SLC23A3: variants seen among roughly 807,000 people sequenced by gnomAD.
The protein encoded by SLC23A3 is E2-binding protein 3.
In SLC23A3, 41 loss-of-function variants were observed where a neutral mutation model predicts 64.7. The observed-to-expected ratio is 0.63, with a 90% CI of 0.49 to 0.82. SLC23A3 has a LOEUF of 0.82. Ranked by LOEUF, SLC23A3 falls within the 40% of genes least tolerant of loss-of-function variation. The probability of loss-of-function intolerance (pLI) is 0.00; values close to 1 mark genes in which losing one functional copy is unlikely to be tolerated. For synonymous variants in SLC23A3, 281 were observed against 306.8 expected, an observed-to-expected ratio of 0.92 and a Z score of 0.88; for missense variants, 647 against 733.4, an observed-to-expected ratio of 0.88 and a Z score of 1.36.
In SLC23A3 at chr2:219,161,916, T is replaced by A; in HGVS notation, c.1826A>T (p.Gln609Leu). The A allele has an allele frequency of 6.5e-7, 1 of 1,549,846 alleles. No individual in the cohort carries two copies. Among genetic ancestry groups the A allele is most frequent in the South Asian group, 1.2e-5 (1 of 82,952 alleles). Residue 609 changes from glutamine to leucine, a missense_variant, in exon 12 of 12, where the codon CAG (glutamine) becomes CTG (leucine). Coordinates refer to ENST00000409878, the MANE Select transcript of SLC23A3 (RefSeq NM_001144889.2). ...PESSREGFRS[Q>L]K Reference sequence around the variant, plus strand: ...CAGAAGTAGGCGTTCTGGTCATTTCTGGGACCTAAACCCTTCTCTGCTAGA... The same window carrying A: ...CAGAAGTAGGCGTTCTGGTCATTTCAGGGACCTAAACCCTTCTCTGCTAGA...
chr2:219,167,132 G>A lies in SLC23A3; in HGVS notation c.913+798C>T, dbSNP rs188548428. Among the ~76,000 whole-genome samples the A allele has an allele frequency of 9.2e-5, 14 of 152,250 alleles. No homozygotes were observed. The East Asian group carries it at 2.1e-3, about 23-fold the overall frequency. On this transcript the variant is annotated intron_variant, in intron 7 of 11. Transcript: ENST00000409878. ...AAATTAGCCAGGCATGGTGGTGCACGCTTGTAATCCCAGCTACTTGTGGGG... is the reference window on the plus strand; with the variant it reads ...AAATTAGCCAGGCATGGTGGTGCACACTTGTAATCCCAGCTACTTGTGGGG...
In SLC23A3 at chr2:219,162,163, G is replaced by A. The variant is rs1423403953; in HGVS notation, c.1579C>T (p.Pro527Ser). 2.5e-6 allele frequency: 4 copies of A among 1,613,022 alleles called. No individual in the cohort carries two copies. The highest frequency in any genetic ancestry group is 3.3e-5 in the Admixed American group (2 of 59,946). The change falls in exon 12 of 12, where the codon CCT (proline) becomes TCT (serine). Residue 527 changes from proline to serine, a missense_variant. By Grantham distance (74) the Pro-to-Ser change is moderately conservative. Coordinates refer to ENST00000409878, the MANE Select transcript of SLC23A3 (RefSeq NM_001144889.2). The stretch of plus-strand genomic sequence containing the variant: ...ATTCGAGCCTCTTGGGCAGTGAAAG[G>A]AGATGGTAGCCCTTGACCTAGGCCT... ...ERGLGQGLPS[P>S]FTAQEARMPQ...
chr2:219,162,543 A>G (rs757753956), intron 10 of SLC23A3, 149 bp from the exon 11 acceptor site: 26 of 645,382 alleles, frequency 4.0e-5, no homozygotes, highest in Admixed American at 1.3e-4. Flanking sequence ...TTGTCTTTCT[A>G]CTCTCCACTT....
In SLC23A3 at chr2:219,169,167, T is replaced by C; in HGVS notation, c.419-65A>G. ...GGAATGGAGACCCATTGCTCTACAG[T>C]CCCACTCCTGGCACAGGTCCAAGCC... On this transcript the variant is annotated intron_variant, in intron 3 of 11. Transcript: ENST00000409878. This position sits in a 1 kb window ranked among gnomAD's most constrained non-coding sequence, Gnocchi z 4.5. The C allele has an allele frequency of 6.2e-7, 1 of 1,603,772 alleles. No individual in the cohort carries two copies.
intron 9 of SLC23A3, 37 bp from the exon 10 acceptor site, chr2:219,163,592 A>C: frequency 1.2e-6 from 2 of 1,604,692 alleles, no homozygotes; most frequent in Non-Finnish European, 1.7e-6. Context: ...GGTCAGGAGG[A>C]GTCAAGGGGG....
rs1168357796 is a variant in SLC23A3 at position 219,163,405 on chromosome 2, G to A, written c.1424C>T (p.Pro475Leu). The change falls in exon 10 of 12, where the codon CCA (proline) becomes CTA (leucine). Residue 475 changes from proline to leucine, a missense_variant. Pro to Leu is a moderately conservative substitution (Grantham distance 98). Transcript: ENST00000409878. ...CCACCTACCTGTGCTGAACAGGACT[G>A]GGGCTTCCCGAAACCATCTTGGCAG... Reference protein sequence around the residue: ...LLLPRWFREAPVLFSTGWSPL... With the variant: ...LLLPRWFREALVLFSTGWSPL... The A allele has an allele frequency of 3.7e-6, 6 of 1,614,204 alleles. No homozygotes were observed. Among genetic ancestry groups the A allele is most frequent in the South Asian group, 1.1e-5 (1 of 91,084 alleles).
In SLC23A3 at chr2:219,168,026, A is replaced by G; in HGVS notation, c.817T>C (p.Cys273Arg). 1 of 1,586,996 alleles carries G rather than the reference A, an allele frequency of 6.3e-7. No homozygotes were observed. The highest frequency in any genetic ancestry group is 8.5e-7 in the Non-Finnish European group (1 of 1,171,080). The change falls in exon 7 of 12, where the codon TGT (cysteine) becomes CGT (arginine). Residue 273 changes from cysteine (C) to arginine (R), a missense_variant. Physicochemically the swap from Cys to Arg is radical, Grantham distance 180. Transcript: ENST00000409878. Reference protein sequence around the residue: ...RLLSVLIPVACVWIVSAFVGF... With the variant: ...RLLSVLIPVARVWIVSAFVGF... ...ACAAAGGCAGAAACAATCCACACACAGGCCACTGGGATCAGCACCTGAGGG... is the reference window on the plus strand; with the variant it reads ...ACAAAGGCAGAAACAATCCACACACGGGCCACTGGGATCAGCACCTGAGGG...
intron 8 of SLC23A3, 27 bp downstream of exon 8, chr2:219,165,142 C>T (rs1316161296): frequency 1.3e-6 from 2 of 1,550,624 alleles, no homozygotes; most frequent in Non-Finnish European, 1.7e-6. Context: ...CTCCATCCTA[C>T]CCCACTCCCA....
In SLC23A3 at chr2:219,163,526, C is replaced by T; in HGVS notation, c.1303G>A (p.Val435Ile). The T allele has an allele frequency of 6.2e-7, 1 of 1,614,168 alleles. No homozygotes were observed. The part of the protein sequence containing the change: ...GGVLGVTQAV[V>I]LSAGFSSFYL... ...AAGCTGGAGAATCCAGCAGACAAAA[C>T]CACAGCCTGGGTCACCCCCAGCACC... The change falls in exon 10 of 12, where the codon GTT (valine) becomes ATT (isoleucine). Residue 435 changes from valine (V) to isoleucine (I), a missense_variant. By Grantham distance (29) the Val-to-Ile change is conservative. Transcript: ENST00000409878.
intron 7 of SLC23A3, among the ~76,000 whole-genome samples, 162 bp downstream of exon 7, chr2:219,167,768 T>G (rs1020013328): frequency 3.9e-5 from 6 of 151,906 alleles, no homozygotes; most frequent in African/African-American, 1.5e-4. Flanking sequence ...ACACCTACAG[T>G]GAGGGGCTAG....
chr2:219,164,215 G>A lies in SLC23A3; in HGVS notation c.1273+18C>T, dbSNP rs776440805. 1 of 1,563,108 alleles carries A rather than the reference G, an allele frequency of 6.4e-7. No individual in the cohort carries two copies. Among genetic ancestry groups the A allele is most frequent in the Non-Finnish European group, 8.8e-7 (1 of 1,140,710 alleles). On this transcript the variant is annotated intron_variant, in intron 9 of 11. Transcript: ENST00000409878. ...GGAGTAGCAGTTCAATACCAGCCCT[G>A]TTGATACATCCACTCACCAACAACA...
rs7570721 is a variant in SLC23A3, at chr2:219,168,092, G to A, written c.799-48C>T. ...GAACTCCTCCCCCAGAACCTTCTGA[G>A]CCAGCCTTGCAGGGGTAGACAGAAG... On this transcript the variant is annotated intron_variant, in intron 6 of 11. Coordinates refer to ENST00000409878, the MANE Select transcript of SLC23A3 (RefSeq NM_001144889.2). 16,121 of 1,567,450 alleles carry A rather than the reference G, an allele frequency of 0.01. 1,415 individuals are homozygous for A. The African/African-American group carries it at 0.19, about 19-fold the overall frequency.
intron 7 of SLC23A3, among the ~76,000 whole-genome samples, chr2:219,167,433 C>G (rs546564988): frequency 9.2e-5 from 14 of 152,122 alleles, no homozygotes; most frequent in African/African-American, 3.1e-4. Flanking sequence ...ACAGAAACAA[C>G]AGATGTCTGT....
chr2:219,168,999 C>T (rs752027567), intron 4 of SLC23A3, 30 bp downstream of exon 4: 61 of 1,605,600 alleles, frequency 3.8e-5, no homozygotes, highest in Non-Finnish European at 5.1e-5. Flanking sequence ...CTGGCACCAC[C>T]CTTATCCCTT....
intron 8 of SLC23A3, chr2:219,164,548 C>T (rs556946156): frequency 2.5e-5 from 12 of 487,682 alleles, no homozygotes; most frequent in African/African-American, 2.0e-4. Context: ...AAATTTTCTT[C>T]ACTTTTCTTT....
chr2:219,168,939 C>A lies in SLC23A3; in HGVS notation c.492+90G>T, dbSNP rs187876851. 3.9e-4 allele frequency: 609 copies of A among 1,552,654 alleles called. 6 individuals are homozygous for A. The East Asian group carries it at 0.013, about 33-fold the overall frequency. ...TATGGGTTCCTCCCAAAACTCCTTTCCAGGAGCATCTCAGTCTGTGCATAA... is the reference window on the plus strand; with the variant it reads ...TATGGGTTCCTCCCAAAACTCCTTTACAGGAGCATCTCAGTCTGTGCATAA... On this transcript the variant is annotated intron_variant, in intron 4 of 11. Coordinates refer to ENST00000409878, the MANE Select transcript of SLC23A3 (RefSeq NM_001144889.2).
At chr2:219,167,554 C>T (rs549404154) in intron 7 of SLC23A3, among the ~76,000 whole-genome samples, 1 of 145,602 alleles carries the variant, frequency 6.9e-6, no homozygotes, top group African/African-American at 2.6e-5. Flanking sequence ...GAGTTTGAGA[C>T]CAGCCTGGGC....
In SLC23A3 at chr2:219,168,820, A is replaced by G. The variant is rs757969009; in HGVS notation, c.506T>C (p.Val169Ala). Residue 169 changes from valine to alanine, a missense_variant, in exon 5 of 12, where the codon GTG becomes GCG. Transcript: ENST00000409878. ...GCCCTGCAGCAGCCCAGATACTACC[A>G]CTGCCCCGGACACCTGGTAGAAGAG... ...NTSLQEVSGAVVVSGLLQGMM... is the reference protein window; with the variant it reads ...NTSLQEVSGAAVVSGLLQGMM... 6 of 1,585,598 alleles carry G rather than the reference A, an allele frequency of 3.8e-6. No individual in the cohort carries two copies. In the Admixed American group the frequency reaches 1.1e-4, roughly 28 times the overall value.
chr2:219,163,195 T>C (rs985108260), intron 10 of SLC23A3, among the ~76,000 whole-genome samples, 193 bp downstream of exon 10: 2 of 152,244 alleles, frequency 1.3e-5, no homozygotes, highest in African/African-American at 2.4e-5. Context: ...TCATCTCTTG[T>C]ACTACGCTGT....
Sources: gnomAD v4.1 joint callset for allele counts (sites outside exome capture counted in the v4.1 genomes callset) on GRCh38, gnomAD v4.1.1 for gene constraint, Gnocchi (gnomAD v3.1) non-coding constraint, MANE v1.5 for transcripts, NCBI Gene and HGNC (gene_info 2026-07-23, HGNC 2026-07-21) for gene names.